Variants in ARHGEF10L observed in about 807,000 individuals in gnomAD.
ARHGEF10L encodes the protein rho guanine nucleotide exchange factor 10-like protein.
In ARHGEF10L, 69 loss-of-function variants were observed where a neutral mutation model predicts 141.2. The observed-to-expected ratio is 0.49, with a 90% confidence interval of 0.40 to 0.60. The LOEUF (loss-of-function observed/expected upper bound fraction) is 0.60. Among genes scored for constraint, ARHGEF10L ranks in the 20% least tolerant of loss-of-function variants. The pLI is 0.00. For synonymous variants in ARHGEF10L, 711 were observed against 718.5 expected, an observed-to-expected ratio of 0.99 and a Z score of 0.17; for missense variants, 1,482 against 1,734.3, an observed-to-expected ratio of 0.85 and a Z score of 2.58.
chr1:17,583,800 C>T (rs1025446399), intron 2 of ARHGEF10L, among the ~76,000 whole-genome samples: 3 of 152,118 alleles, frequency 2.0e-5, no homozygotes, highest in Admixed American at 2.0e-4. Context: ...GGGCCTGTAG[C>T]TGGTACCCCC....
At chr1:17,536,797 A>G (rs2076582169), upstream of ARHGEF10L, among the ~76,000 whole-genome samples, 1 of 152,056 alleles carries the variant, frequency 6.6e-6, no homozygotes, top group African/African-American at 2.4e-5. Context: ...GGCCCTGCAG[A>G]GTGTGGCCCT....
intron 1 of ARHGEF10L, among the ~76,000 whole-genome samples, chr1:17,574,283 C>A (rs1177527666): frequency 6.6e-6 from 1 of 152,192 alleles, no homozygotes; most frequent in Non-Finnish European, 1.5e-5. Context: ...AAATGAGATG[C>A]AAACTAAAAT....
At chr1:17,666,727 C>A (rs537781836) in intron 26 of ARHGEF10L, among the ~76,000 whole-genome samples, 13 of 151,720 alleles carry the variant, frequency 8.6e-5, no homozygotes, top group African/African-American at 3.1e-4. Context: ...CCTGCTATCC[C>A]CCCAGCCCAC....
At chr1:17,657,547 A>G (rs1358107418) in intron 25 of ARHGEF10L, among the ~76,000 whole-genome samples, 1 of 151,840 alleles carries the variant, frequency 6.6e-6, no homozygotes, top group East Asian at 1.9e-4. Context: ...TCCGCCAGCC[A>G]GGCTGTGATT....
At chr1:17,601,056 A>C (rs536380415) in intron 4 of ARHGEF10L, among the ~76,000 whole-genome samples, 2,456 of 147,466 alleles carry the variant, frequency 0.017, 90 homozygotes, top group African/African-American at 0.06. Flanking sequence ...TCTCAAAAAA[A>C]AAAAAAAAAA....
At chr1:17,696,286 G>A (rs1192204249) in intron 28 of ARHGEF10L, among the ~76,000 whole-genome samples, 1 of 151,096 alleles carries the variant, frequency 6.6e-6, no homozygotes, top group Non-Finnish European at 1.5e-5. Context: ...AGGGCATTTT[G>A]TCCATCCAGG....
chr1:17,620,491 TG>T lies in ARHGEF10L; in HGVS notation c.942+1049del, dbSNP rs2060049211. Among the ~76,000 whole-genome samples, 9 of 152,334 alleles carry T rather than the reference TG, an allele frequency of 5.9e-5. No homozygotes were observed. In the South Asian group the frequency reaches 1.9e-3, roughly 32 times the overall value. On this transcript the variant is annotated intron_variant, in intron 10 of 28. Coordinates refer to ENST00000361221, the MANE Select transcript of ARHGEF10L (RefSeq NM_018125.4). ...CCCCAGATGTCCTTGTGCTCTGCTC[TG>T]GGTGCCACTTGAGTACCTGGGGATT...
chr1:17,585,283 G>A (rs190165047), intron 2 of ARHGEF10L, among the ~76,000 whole-genome samples: 1 of 152,266 alleles, frequency 6.6e-6, no homozygotes, highest in East Asian at 1.9e-4. Context: ...GAATGGAGCT[G>A]GGTTCCAGTC....
chr1:17,528,159 C>T, the ARHGEF10L span, among the ~76,000 whole-genome samples: 4 of 151,962 alleles, frequency 2.6e-5, no homozygotes, highest in Non-Finnish European at 5.9e-5. Context: ...TGCGCCTGTC[C>T]CTTTTCCTCT....
chr1:17,548,784 G>A (rs950399246), intron 1 of ARHGEF10L, among the ~76,000 whole-genome samples: 3 of 150,812 alleles, frequency 2.0e-5, no homozygotes, highest in African/African-American at 7.3e-5. Flanking sequence ...GAGTAGATGG[G>A]ATTACAGGTG....
rs1410895933 is a variant in ARHGEF10L at position 17,671,404 on chromosome 1, G to A, written c.3009+6809G>A. 2.6e-5 allele frequency among the ~76,000 whole-genome samples: 4 copies of A among 152,288 alleles called. No homozygotes were observed. The East Asian group carries it at 7.7e-4, about 29-fold the overall frequency. ...TCTGTGGCCAGTGGGGATAGTCCCT[G>A]CCTGGATGGCAGCCGGGGACAGATG... On this transcript the variant is annotated intron_variant, in intron 26 of 28. Transcript: ENST00000361221.
intron 1 of ARHGEF10L, among the ~76,000 whole-genome samples, chr1:17,544,020 C>T (rs1372701540): frequency 1.3e-5 from 2 of 151,678 alleles, no homozygotes; most frequent in Admixed American, 1.3e-4. Context: ...GATCTCTGCT[C>T]ACTGCAACCT....
intron 4 of ARHGEF10L, among the ~76,000 whole-genome samples, chr1:17,598,636 T>A (rs1388324642): frequency 6.6e-6 from 1 of 152,314 alleles, no homozygotes; most frequent in South Asian, 2.1e-4. Context: ...CCCCACCGCC[T>A]AATACTATCA....
intron 21 of ARHGEF10L, among the ~76,000 whole-genome samples, chr1:17,641,829 A>G (rs1483460925): frequency 6.6e-6 from 1 of 151,588 alleles, no homozygotes; most frequent in African/African-American, 2.4e-5. Context: ...AAATACAAAA[A>G]AATTAGCCAG....
At position 17,587,671 on chromosome 1, in the gene ARHGEF10L, T is replaced by A. The variant is rs200535836; in HGVS notation, c.223+26T>A. ...GTAAGATGTTTCTGGGAACTTCCGG[T>A]CCTGGGGCTACAGGGAGCATGGAGA... On this transcript the variant is annotated intron_variant, in intron 3 of 28. Transcript: ENST00000361221. 7.5e-6 allele frequency: 12 copies of A among 1,590,912 alleles called. No individual in the cohort carries two copies. The African/African-American group carries it at 1.1e-4, about 14-fold the overall frequency.
chr1:17,598,828 T>A (rs1348701450), intron 4 of ARHGEF10L, among the ~76,000 whole-genome samples: 2 of 152,020 alleles, frequency 1.3e-5, no homozygotes, highest in East Asian at 1.9e-4. Context: ...GGTAACCATA[T>A]GCCACAGCAA....
At chr1:17,528,982 A>G in the ARHGEF10L span, among the ~76,000 whole-genome samples, 1 of 152,006 alleles carries the variant, frequency 6.6e-6, no homozygotes. Context: ...GGTGATATAG[A>G]TGATGATGAT....
chr1:17,667,920 C>A (rs1283216627), intron 26 of ARHGEF10L, among the ~76,000 whole-genome samples: 1 of 152,166 alleles, frequency 6.6e-6, no homozygotes, highest in Non-Finnish European at 1.5e-5. Flanking sequence ...GGCACCCTAC[C>A]CCCTTGGAGG....
the ARHGEF10L span, among the ~76,000 whole-genome samples, chr1:17,532,024 G>A: frequency 1.3e-5 from 2 of 152,128 alleles, no homozygotes; most frequent in Non-Finnish European, 2.9e-5. Flanking sequence ...CACCAGCCAA[G>A]TGTCACTGAA....
Sources: allele counts gnomAD v4.1 joint callset (sites outside exome capture counted in the v4.1 genomes callset), GRCh38; gene constraint gnomAD v4.1.1; transcripts MANE v1.5; gene names NCBI Gene and HGNC (gene_info 2026-07-23, HGNC 2026-07-21).